The following SLC35D4 variants were observed in gnomAD, a reference collection of about 807,000 sequenced individuals.
SLC35D4 encodes UDP-N-acetylglucosamine transporter SLC35D4.
chr18:23,356,750 G>T, the SLC35D4 span: 1 of 1,192,020 alleles, frequency 8.4e-7, no homozygotes, highest in Non-Finnish European at 1.2e-6. The surrounding 1 kb of genome is among the most constrained non-coding windows in gnomAD (Gnocchi z 4.1). Context: ...CAAGGAAGGC[G>T]TCTTTAGCAG....
At chr18:23,268,707 G>A in the SLC35D4 span, among the ~76,000 whole-genome samples, 49 of 152,224 alleles carry the variant, frequency 3.2e-4, no homozygotes, top group East Asian at 8.7e-3. Context: ...TAGGGACCCC[G>A]TGTTGCAGGT....
the SLC35D4 span, among the ~76,000 whole-genome samples, chr18:23,280,506 G>A: frequency 1.3e-5 from 2 of 152,240 alleles, no homozygotes; most frequent in Non-Finnish European, 2.9e-5. Flanking sequence ...CGCTTCCCTA[G>A]AGTGGATATT....
chr18:23,276,251 C>T, the SLC35D4 span, among the ~76,000 whole-genome samples: 3 of 151,974 alleles, frequency 2.0e-5, no homozygotes, highest in African/African-American at 7.3e-5. Flanking sequence ...AAACGTCCGG[C>T]TAATTTTTTT....
the SLC35D4 span, chr18:23,430,778 T>C: frequency 8.6e-7 from 1 of 1,158,898 alleles, no homozygotes; most frequent in Non-Finnish European, 1.2e-6. Flanking sequence ...CCACATAACC[T>C]AAGTAAATTC....
At chr18:23,300,460 C>T in the SLC35D4 span, among the ~76,000 whole-genome samples, 2 of 152,162 alleles carry the variant, frequency 1.3e-5, no homozygotes, top group Non-Finnish European at 2.9e-5. Flanking sequence ...TAGCAGCTGG[C>T]CCCTTGCCAC....
the SLC35D4 span, among the ~76,000 whole-genome samples, chr18:23,314,699 G>A: frequency 4.6e-4 from 70 of 152,310 alleles, no homozygotes; most frequent in African/African-American, 1.5e-3. Flanking sequence ...ATCAATTGGT[G>A]TACTTGCTTA....
the SLC35D4 span, chr18:23,253,671 T>TTCGA: frequency 4.2e-6 from 6 of 1,428,666 alleles, no homozygotes; most frequent in Non-Finnish European, 5.8e-6. Context: ...GGAGTTTTTC[T>TTCGA]GTCCACTGAA....
the SLC35D4 span, chr18:23,297,800 G>C: frequency 1.8e-6 from 1 of 554,752 alleles, no homozygotes; most frequent in Non-Finnish European, 3.2e-6. Context: ...CAGAAAGGGT[G>C]CTCCTTGAAG....
chr18:23,433,485 C>T, the SLC35D4 span, among the ~76,000 whole-genome samples: 4 of 152,270 alleles, frequency 2.6e-5, no homozygotes, highest in South Asian at 8.3e-4. Flanking sequence ...GGCTCAATTG[C>T]TATGAGGGGA....
At chr18:23,240,280 G>GA in the SLC35D4 span, among the ~76,000 whole-genome samples, 1 of 152,186 alleles carries the variant, frequency 6.6e-6, no homozygotes, top group Non-Finnish European at 1.5e-5. Flanking sequence ...GAGCCCAGTG[G>GA]AAAGACCCCA....
the SLC35D4 span, among the ~76,000 whole-genome samples, chr18:23,363,205 C>T: frequency 1.4e-5 from 2 of 147,968 alleles, no homozygotes; most frequent in Non-Finnish European, 3.0e-5. Flanking sequence ...AGATACACCA[C>T]TGCACTCCAG....
chr18:23,376,141 C>G, the SLC35D4 span, among the ~76,000 whole-genome samples: 10 of 152,216 alleles, frequency 6.6e-5, no homozygotes, highest in African/African-American at 2.2e-4. Context: ...GGAACTTTGC[C>G]ATATGCCATC....
the SLC35D4 span, among the ~76,000 whole-genome samples, chr18:23,375,744 G>A: frequency 6.6e-6 from 1 of 152,150 alleles, no homozygotes; most frequent in Non-Finnish European, 1.5e-5. Context: ...ACTTTGATAT[G>A]TCTTTAGAAA....
chr18:23,371,846 C>A, the SLC35D4 span, among the ~76,000 whole-genome samples: 1 of 151,706 alleles, frequency 6.6e-6, no homozygotes, highest in Non-Finnish European at 1.5e-5. Context: ...ACAGCTCAAC[C>A]GAGGGGACCC....
the SLC35D4 span, among the ~76,000 whole-genome samples, chr18:23,252,046 G>A: frequency 1.5e-4 from 23 of 149,964 alleles, no homozygotes; most frequent in Non-Finnish European, 2.5e-4. Flanking sequence ...AGATTGCACC[G>A]CTGCACTCCA....
At chr18:23,263,281 G>C in the SLC35D4 span, among the ~76,000 whole-genome samples, 1 of 152,226 alleles carries the variant, frequency 6.6e-6, no homozygotes. Context: ...CCTTGAGTTA[G>C]AGGAGGTCTT....
the SLC35D4 span, among the ~76,000 whole-genome samples, chr18:23,278,591 T>C: frequency 3.9e-5 from 6 of 152,270 alleles, no homozygotes; most frequent in East Asian, 1.9e-4. Flanking sequence ...TATAAATTAG[T>C]AATCAAACTA....
chr18:23,299,589 CA>C, the SLC35D4 span, among the ~76,000 whole-genome samples: 1 of 152,242 alleles, frequency 6.6e-6, no homozygotes, highest in Non-Finnish European at 1.5e-5. Flanking sequence ...ACTAACTCTA[CA>C]GCAGTAATTT....
At chr18:23,370,215 C>A in the SLC35D4 span, 5 of 1,604,294 alleles carry the variant, frequency 3.1e-6, no homozygotes, top group East Asian at 2.2e-5. Context: ...AAAGAGTTTA[C>A]CTTAATGCAC....
Sources: gnomAD v4.1 joint callset for allele counts (sites outside exome capture counted in the v4.1 genomes callset) on GRCh38, gnomAD v4.1.1 for gene constraint, Gnocchi (gnomAD v3.1) non-coding constraint, MANE v1.5 for transcripts, NCBI Gene and HGNC (gene_info 2026-07-23, HGNC 2026-07-21) for gene names.